DLG2: variants seen among roughly 807,000 people sequenced by gnomAD.
DLG2 encodes the protein discs large MAGUK scaffold protein 2.
DLG2 carries 45 observed loss-of-function variants against 132.5 expected under a neutral mutation model. The observed-to-expected ratio is 0.34, with a 90% CI of 0.27 to 0.44. The LOEUF (loss-of-function observed/expected upper bound fraction) is 0.44, where lower values mean the gene tolerates loss of function less well. DLG2 is among the 20% of genes least tolerant of loss of function. The pLI, the probability that DLG2 is intolerant of heterozygous loss-of-function variation, is 1.00. For synonymous variants in DLG2, 424 were observed against 419.6 expected (o/e 1.01, Z -0.13); for missense variants, 1,045 against 1,196.9 (o/e 0.87, Z 1.87).
intron 6 of DLG2, among the ~76,000 whole-genome samples, chr11:84,947,557 C>T (rs1017908365): frequency 6.6e-6 from 1 of 152,210 alleles, no homozygotes; most frequent in Non-Finnish European, 1.5e-5. Context: ...CCTTCCCCCA[C>T]CACACCCCTT....
intron 15 of DLG2, among the ~76,000 whole-genome samples, chr11:83,910,506 G>A (rs2075851009): frequency 6.6e-6 from 1 of 152,036 alleles, no homozygotes; most frequent in Non-Finnish European, 1.5e-5. Context: ...CTGTAGCATG[G>A]TAGAATGACT....
intron 6 of DLG2, among the ~76,000 whole-genome samples, chr11:84,794,771 C>T (rs2074338593): frequency 1.3e-5 from 2 of 152,224 alleles, no homozygotes; most frequent in Admixed American, 1.3e-4. Context: ...TGTGCACATG[C>T]TCAGGGCAGC....
intron 11 of DLG2, among the ~76,000 whole-genome samples, chr11:84,021,714 T>C (rs1186127250): frequency 6.6e-6 from 1 of 152,002 alleles, no homozygotes; most frequent in East Asian, 1.9e-4. Context: ...TAAACCTGAG[T>C]ATATTATTTC....
At chr11:83,809,617 C>G (rs1334408709) in intron 17 of DLG2, among the ~76,000 whole-genome samples, 1 of 152,138 alleles carries the variant, frequency 6.6e-6, no homozygotes, top group Admixed American at 6.6e-5. Flanking sequence ...TGCCTAGAAC[C>G]AGTCAGTCAA....
intron 17 of DLG2, among the ~76,000 whole-genome samples, chr11:83,831,586 G>A (rs191851236): frequency 6.6e-6 from 1 of 152,050 alleles, no homozygotes; most frequent in East Asian, 1.9e-4. Context: ...TTTTTTGAAG[G>A]GTTGGAATGG....
chr11:85,318,181 C>T (rs1026917310), intron 3 of DLG2, among the ~76,000 whole-genome samples: 2 of 151,840 alleles, frequency 1.3e-5, no homozygotes, highest in African/African-American at 2.4e-5. Flanking sequence ...TTAAGACCAG[C>T]TGCATGTGAA....
At chr11:83,989,525 T>A (rs1391365599) in intron 11 of DLG2, among the ~76,000 whole-genome samples, 1 of 152,188 alleles carries the variant, frequency 6.6e-6, no homozygotes, top group Non-Finnish European at 1.5e-5. Context: ...CATGACTTAC[T>A]TCTTAGAGGA....
At chr11:84,551,645 A>G (rs2099402077) in intron 6 of DLG2, among the ~76,000 whole-genome samples, 1 of 152,256 alleles carries the variant, frequency 6.6e-6, no homozygotes, top group Admixed American at 6.5e-5. Context: ...ACTAGTGGAT[A>G]GAATGAGATT....
chr11:85,058,731 G>C (rs886405436), intron 6 of DLG2, among the ~76,000 whole-genome samples: 8 of 151,356 alleles, frequency 5.3e-5, no homozygotes, highest in African/African-American at 1.9e-4. Context: ...CTGATATAAG[G>C]TTACTTAATA....
chr11:85,179,943 T>A (rs1021986537), intron 4 of DLG2, among the ~76,000 whole-genome samples: 1 of 152,048 alleles, frequency 6.6e-6, no homozygotes, highest in African/African-American at 2.4e-5. Context: ...TAAAGAATTT[T>A]AGCAAATTGT....
At chr11:84,053,455 C>A (rs958084708) in intron 11 of DLG2, among the ~76,000 whole-genome samples, 1 of 151,888 alleles carries the variant, frequency 6.6e-6, no homozygotes, top group Non-Finnish European at 1.5e-5. Context: ...AAAAAAAGAA[C>A]CTCTCATAGT....
chr11:84,537,009 A>G (rs928081975), intron 6 of DLG2, among the ~76,000 whole-genome samples: 4 of 152,054 alleles, frequency 2.6e-5, no homozygotes, highest in African/African-American at 9.7e-5. Context: ...CTCCTTGAAA[A>G]CTTCCAATGG....
Position 85,142,849 on chromosome 11 carries a change from A to G in DLG2, c.282+11707T>C, listed in dbSNP as rs192755055. On this transcript the variant is annotated intron_variant, in intron 5 of 27. Transcript: ENST00000376104. ...ATCCTTCATTCGGTCAATATGATAT[A>G]TTACATTGATTGATTTCTGTATGTT... Among the ~76,000 whole-genome samples the G allele has an allele frequency of 2.0e-5, 3 of 151,932 alleles. No individual in the cohort carries two copies. The East Asian group carries it at 5.8e-4, about 29-fold the overall frequency.
chr11:83,734,197 T>G (rs1285896192), intron 18 of DLG2, among the ~76,000 whole-genome samples: 34 of 152,212 alleles, frequency 2.2e-4, no homozygotes, highest in Admixed American at 2.2e-3. Context: ...AATCATTTGT[T>G]GCCCACACTA....
intron 4 of DLG2, among the ~76,000 whole-genome samples, chr11:85,201,525 A>C (rs970821204): frequency 2.0e-5 from 3 of 152,134 alleles, no homozygotes; most frequent in Admixed American, 6.5e-5. Flanking sequence ...CGCAAGACAC[A>C]TGGCTTGGGT....
intron 6 of DLG2, among the ~76,000 whole-genome samples, chr11:84,847,805 G>A (rs2081667109): frequency 6.6e-6 from 1 of 152,092 alleles, no homozygotes; most frequent in African/African-American, 2.4e-5. Context: ...CTAATCCCAA[G>A]GTAGAAGGGG....
intron 6 of DLG2, among the ~76,000 whole-genome samples, chr11:84,834,414 T>A (rs894711012): frequency 4.6e-5 from 7 of 151,660 alleles, no homozygotes; most frequent in African/African-American, 1.7e-4. Context: ...CTCTTTTCTA[T>A]CCTCTTCCCT....
chr11:85,569,489 G>A (rs78440352), intron 3 of DLG2, among the ~76,000 whole-genome samples: 5,372 of 152,226 alleles, frequency 0.035, 146 homozygotes, highest in Admixed American at 0.052. Context: ...GGTAATTTAA[G>A]AGTGTATTAT....
At chr11:83,544,110 A>G (rs1308908844) in intron 19 of DLG2, among the ~76,000 whole-genome samples, 3 of 152,166 alleles carry the variant, frequency 2.0e-5, no homozygotes, top group Admixed American at 2.0e-4. Context: ...TGTTGTCGCA[A>G]TTTGTTGCTG....
Sources: gnomAD v4.1 joint callset for allele counts (sites outside exome capture counted in the v4.1 genomes callset) on GRCh38, gnomAD v4.1.1 for gene constraint, MANE v1.5 for transcripts, NCBI Gene and HGNC (gene_info 2026-07-23, HGNC 2026-07-21) for gene names.